The following VBP1 variants were observed in gnomAD, a reference collection of about 807,000 sequenced individuals.
The protein encoded by VBP1 is VHL binding protein 1.
VBP1 carries 4 observed loss-of-function variants against 15.5 expected under a neutral mutation model. The observed-to-expected ratio is 0.26, with a 90% CI of 0.13 to 0.59. VBP1 has a LOEUF of 0.59. VBP1 is among the 20% of genes least tolerant of loss of function. VBP1 has a pLI of 0.90. For missense variants in VBP1, 108 were observed against 139.6 expected (o/e 0.77, Z 1.14); for synonymous variants, 61 against 52.1 (o/e 1.17, Z -0.74).
At chrX:155,228,058 C>G (rs1374980495) in intron 3 of VBP1, among the ~76,000 whole-genome samples, 2 of 111,592 alleles carry the variant, frequency 1.8e-5, no homozygotes, top group Non-Finnish European at 1.9e-5. Flanking sequence ...ATGTCAGGCA[C>G]TCGGGGGTGT....
At chrX:155,231,812 G>C in intron 4 of VBP1, among the ~76,000 whole-genome samples, 1 of 112,438 alleles carries the variant, frequency 8.9e-6, no homozygotes, top group East Asian at 2.8e-4. Context: ...TTCTGTGGTA[G>C]GGCTATGTGA....
rs1488017534 is a variant in VBP1, at chrX:155,239,111, CTG to C, written c.*272_*273del. 4.3e-6 allele frequency: 1 copy of C among 232,435 alleles called. No individual in the cohort carries two copies. The highest frequency in any genetic ancestry group is 6.9e-5 in the Admixed American group (1 of 14,439). 19.2% of individuals were successfully genotyped at this position (232,435 alleles called of 1,213,427 possible). On this transcript the variant is annotated 3_prime_UTR_variant, in exon 6 of 6. Transcript: ENST00000286428. ...AACTCTTAGCTGAAATGGCCGAAAA[CTG>C]TGAGACATGCTATGGAAGCTGAATG...
chrX:155,209,147 A>C (rs1163317652), intron 2 of VBP1, among the ~76,000 whole-genome samples: 2 of 112,562 alleles, frequency 1.8e-5, no homozygotes, highest in Non-Finnish European at 3.7e-5. Flanking sequence ...AGAAAGACAC[A>C]GAACTGTGCA....
At chrX:155,220,055 T>G (rs1434218930) in intron 1 of VBP1, 128 bp from the exon 2 acceptor site, 1 of 610,967 alleles carries the variant, frequency 1.6e-6, no homozygotes, top group East Asian at 4.1e-5. Context: ...ACCTGTACTT[T>G]TAGTTAAAAA....
intron 2 of VBP1, among the ~76,000 whole-genome samples, chrX:155,222,259 G>A (rs996687319): frequency 8.0e-5 from 9 of 112,304 alleles, no homozygotes; most frequent in Non-Finnish European, 1.3e-4. Context: ...CAAGGTGGGC[G>A]GATCGCTTGA....
At chrX:155,203,739 C>T (rs2074616087) in intron 1 of VBP1, among the ~76,000 whole-genome samples, 1 of 109,726 alleles carries the variant, frequency 9.1e-6, no homozygotes, top group African/African-American at 3.3e-5. Context: ...TGCACATGTA[C>T]CCTAAAACTT....
At chrX:155,199,340 G>A (rs1419334140) in intron 1 of VBP1, among the ~76,000 whole-genome samples, 7 of 110,775 alleles carry the variant, frequency 6.3e-5, no homozygotes, top group Non-Finnish European at 5.7e-5. Context: ...AGGAAAAAAT[G>A]TTAAGGGCAG....
chrX:155,231,697 A>C (rs1467970045), intron 4 of VBP1, among the ~76,000 whole-genome samples: 1 of 112,247 alleles, frequency 8.9e-6, no homozygotes, highest in Non-Finnish European at 1.9e-5. Flanking sequence ...GAATTTTGTT[A>C]ATTGTTTTTA....
chrX:155,209,110 G>A, intron 2 of VBP1: 1 of 586,635 alleles, frequency 1.7e-6, no homozygotes. Context: ...ATAGAAGAAA[G>A]CATAGTTCTA....
intron 1 of VBP1, among the ~76,000 whole-genome samples, chrX:155,203,330 A>G (rs782462189): frequency 2.3e-4 from 25 of 111,054 alleles, no homozygotes; most frequent in South Asian, 1.9e-3. Flanking sequence ...TTGTGGCACT[A>G]TTCACAATAG....
intron 1 of VBP1, among the ~76,000 whole-genome samples, chrX:155,203,782 T>C (rs2074616301): frequency 9.0e-6 from 1 of 111,471 alleles, no homozygotes; most frequent in Admixed American, 9.5e-5. Context: ...AAAAAAAGAA[T>C]GCTTGGAATC....
At chrX:155,198,084 C>A (rs1262835959) in intron 1 of VBP1, among the ~76,000 whole-genome samples, 1 of 112,679 alleles carries the variant, frequency 8.9e-6, no homozygotes, top group African/African-American at 3.2e-5. Context: ...CCCAGGCTTG[C>A]TTAGGTAAAC....
chrX:155,211,869 C>T (rs2074646205), upstream of VBP1, among the ~76,000 whole-genome samples: 1 of 111,825 alleles, frequency 8.9e-6, no homozygotes, highest in African/African-American at 3.3e-5. Context: ...TGTTATGGCT[C>T]ATGTCTCAAA....
At chrX:155,213,464 C>A (rs1269384042), upstream of VBP1, 6 of 112,927 alleles carry the variant, frequency 5.3e-5, no homozygotes, top group Non-Finnish European at 1.1e-4. Flanking sequence ...GTTGTCGGTT[C>A]CCGGCTGTAC....
intron 3 of VBP1, 27 bp downstream of exon 3, chrX:155,227,328 G>T: frequency 9.4e-7 from 1 of 1,063,295 alleles, no homozygotes; most frequent in South Asian, 2.1e-5. Context: ...TTGTAAATAT[G>T]AGCAAGCTAG....
intron 2 of VBP1, among the ~76,000 whole-genome samples, chrX:155,223,725 C>T (rs781928149): frequency 2.7e-5 from 3 of 112,488 alleles, no homozygotes; most frequent in South Asian, 3.6e-4. Flanking sequence ...ACCTCCCAGA[C>T]GGGGTGGCGG....
At chrX:155,238,178 G>A (rs909083734) in intron 5 of VBP1, among the ~76,000 whole-genome samples, 27 of 111,937 alleles carry the variant, frequency 2.4e-4, no homozygotes, top group African/African-American at 8.8e-4. Context: ...GCAAAAGGTA[G>A]GAAAGGAAGG....
chrX:155,234,158 T>A (rs1401810123), intron 4 of VBP1, among the ~76,000 whole-genome samples: 9 of 87,471 alleles, frequency 1.0e-4, no homozygotes, highest in African/African-American at 1.3e-4. Context: ...TCTTGTTCTG[T>A]CGCCCGGGCT....
chrX:155,219,864 A>G (rs1292276725), intron 1 of VBP1, among the ~76,000 whole-genome samples: 1 of 111,048 alleles, frequency 9.0e-6, no homozygotes, highest in Non-Finnish European at 1.9e-5. Flanking sequence ...CTAAAATCCA[A>G]AACTTTTTGA....
Sources: gnomAD v4.1 joint callset for allele counts (sites outside exome capture counted in the v4.1 genomes callset) on GRCh38, gnomAD v4.1.1 for gene constraint, MANE v1.5 for transcripts, NCBI Gene and HGNC (gene_info 2026-07-23, HGNC 2026-07-21) for gene names.